The following ANKRD6 variants were observed in gnomAD, a reference collection of about 807,000 sequenced individuals.
ANKRD6 encodes ankyrin repeat domain-containing protein 6.
In ANKRD6, 56 loss-of-function variants were observed where a neutral mutation model predicts 82.3. That is an observed-to-expected ratio of 0.68 (90% CI 0.55 to 0.85). The LOEUF (loss-of-function observed/expected upper bound fraction) is 0.85. ANKRD6 is among the 40% of genes least tolerant of loss of function. ANKRD6 has a pLI of 0.00. For synonymous variants in ANKRD6, 347 were observed against 352.1 expected (o/e 0.99, Z 0.16); for missense variants, 852 against 907.6 (o/e 0.94, Z 0.79).
chr6:89,434,598 C>T (rs1770389247), intron 1 of ANKRD6, among the ~76,000 whole-genome samples: 1 of 152,138 alleles, frequency 6.6e-6, no homozygotes, highest in Non-Finnish European at 1.5e-5. Context: ...CCACACCTGG[C>T]TAATTTTGAA....
chr6:89,437,028 G>C lies in ANKRD6; in HGVS notation c.-144+3653G>C, dbSNP rs192542438. Among the ~76,000 whole-genome samples, 424 of 152,202 alleles carry C rather than the reference G, an allele frequency of 2.8e-3. 1 individual carries two copies. The highest frequency in any genetic ancestry group is 9.7e-3 in the African/African-American group (403 of 41,526). On this transcript the variant is annotated intron_variant, in intron 1 of 15. Coordinates refer to ENST00000339746, the MANE Select transcript of ANKRD6 (RefSeq NM_001242809.2). ...TTTTTAACCTGGGGTTCAGTGGTGG[G>C]CTACAAATACTCTAAGATCTCCCAA...
chr6:89,567,341 G>C (rs185509066), intron 2 of ANKRD6, among the ~76,000 whole-genome samples: 423 of 152,290 alleles, frequency 2.8e-3, no homozygotes, highest in African/African-American at 9.6e-3. Context: ...TATTTCTTTA[G>C]CTAAATGGAG....
At chr6:89,512,956 G>A (rs1320746649) in intron 1 of ANKRD6, among the ~76,000 whole-genome samples, 3 of 149,914 alleles carry the variant, frequency 2.0e-5, no homozygotes, top group Non-Finnish European at 4.4e-5. Flanking sequence ...ATAATGTCTT[G>A]CTCTGTTGCC....
At chr6:89,555,171 A>G (rs1036000175) in intron 1 of ANKRD6, among the ~76,000 whole-genome samples, 2 of 140,298 alleles carry the variant, frequency 1.4e-5, no homozygotes, top group Admixed American at 7.8e-5. Context: ...GCTTTATTCT[A>G]TCTCAACTCT....
In ANKRD6 at chr6:89,464,743, C is replaced by T. The variant is rs192319211; in HGVS notation, c.-144+31368C>T. Among the ~76,000 whole-genome samples, 57 of 152,280 alleles carry T rather than the reference C, an allele frequency of 3.7e-4. 1 individual carries two copies. The highest frequency in any genetic ancestry group is 1.2e-3 in the African/African-American group (49 of 41,570). On this transcript the variant is annotated intron_variant, in intron 1 of 15. Coordinates refer to ENST00000339746, the MANE Select transcript of ANKRD6 (RefSeq NM_001242809.2). ...TCCTAGAATGTGAGTTACATTTTTA[C>T]GTCTGCATAGAATTCTGAGGGGTTA...
intron 1 of ANKRD6, among the ~76,000 whole-genome samples, chr6:89,475,343 CCT>C: frequency 6.6e-6 from 1 of 152,152 alleles, no homozygotes; most frequent in East Asian, 1.9e-4. Context: ...TCATCACATC[CCT>C]GTTTTCAAAT....
chr6:89,512,258 C>T (rs1780641741), intron 1 of ANKRD6, among the ~76,000 whole-genome samples: 1 of 152,222 alleles, frequency 6.6e-6, no homozygotes, highest in African/African-American at 2.4e-5. Context: ...TTACTCCCAA[C>T]ATAAACTTAC....
At chr6:89,545,871 C>G (rs1785021137) in intron 1 of ANKRD6, among the ~76,000 whole-genome samples, 1 of 152,234 alleles carries the variant, frequency 6.6e-6, no homozygotes, top group African/African-American at 2.4e-5. Flanking sequence ...GTGGTGCAAT[C>G]TTGGCTCACT....
intron 12 of ANKRD6, 144 bp downstream of exon 12, chr6:89,624,201 A>G (rs1346920992): frequency 1.0e-6 from 1 of 963,302 alleles, no homozygotes; most frequent in Non-Finnish European, 1.5e-6. Context: ...TGGCCTCCCC[A>G]CCTGCACGGT....
intron 1 of ANKRD6, among the ~76,000 whole-genome samples, chr6:89,473,644 C>T (rs984592689): frequency 5.9e-5 from 9 of 152,102 alleles, no homozygotes; most frequent in South Asian, 2.1e-4. Context: ...TGTTTTCAGG[C>T]ACTGTTAGTC....
chr6:89,562,380 A>C (rs967200177), intron 1 of ANKRD6: 1 of 152,264 alleles, frequency 6.6e-6, no homozygotes, highest in Non-Finnish European at 1.5e-5. Context: ...CCCACAAAGC[A>C]AGCATTTTCC....
rs531749552 is a variant in ANKRD6, at chr6:89,459,713, A to C, written c.-144+26338A>C. Reference sequence around the variant, plus strand: ...AGATAGAGTCTTGCTGTGTTGCACAAGTTGGTCTTGGACTCCTGACCTGAA... The same window carrying C: ...AGATAGAGTCTTGCTGTGTTGCACACGTTGGTCTTGGACTCCTGACCTGAA... On this transcript the variant is annotated intron_variant, in intron 1 of 15. Coordinates refer to ENST00000339746, the MANE Select transcript of ANKRD6 (RefSeq NM_001242809.2). Among the ~76,000 whole-genome samples, 90 of 152,072 alleles carry C rather than the reference A, an allele frequency of 5.9e-4. 1 individual carries two copies. The highest frequency in any genetic ancestry group is 1.1e-3 in the Non-Finnish European group (77 of 68,008).
chr6:89,600,422 C>T (rs1291016378), intron 3 of ANKRD6, among the ~76,000 whole-genome samples: 1 of 152,134 alleles, frequency 6.6e-6, no homozygotes, highest in Non-Finnish European at 1.5e-5. Context: ...CCCATATGCT[C>T]AGGGCTTGTT....
rs546233567 is a variant in ANKRD6, at chr6:89,473,117, TA to T, written c.-144+39750del. Among the ~76,000 whole-genome samples, 249 of 152,114 alleles carry T rather than the reference TA, an allele frequency of 1.6e-3. 2 individuals carry two copies. Among genetic ancestry groups the T allele is most frequent in the African/African-American group, 5.8e-3 (240 of 41,512 alleles). ...TTTATTTAACAGCATATTGTTTCAT[TA>T]AAAAAAATTTGGCCAGGAGCAGTGG... On this transcript the variant is annotated intron_variant, in intron 1 of 15. Transcript: ENST00000339746.
chr6:89,487,558 G>A (rs1246779691), intron 1 of ANKRD6, among the ~76,000 whole-genome samples: 1 of 152,112 alleles, frequency 6.6e-6, no homozygotes, highest in African/African-American at 2.4e-5. Flanking sequence ...GTGTGCTGTG[G>A]GACCTCCCCA....
In ANKRD6 at chr6:89,547,498, G is replaced by T. The variant is rs181607368; in HGVS notation, c.-143-19336G>T. ...CCTCCGGGGGTGTCACCTGCCTCTG[G>T]GGGGCAGCCTGCCCTGCTCAGCTAA... On this transcript the variant is annotated intron_variant, in intron 1 of 15. Transcript: ENST00000339746. 1.4e-3 allele frequency among the ~76,000 whole-genome samples: 209 copies of T among 152,250 alleles called. 1 individual carries two copies. The highest frequency in any genetic ancestry group is 4.7e-3 in the African/African-American group (194 of 41,536).
At chr6:89,600,075 A>C (rs1796776154) in intron 3 of ANKRD6, among the ~76,000 whole-genome samples, 2 of 152,152 alleles carry the variant, frequency 1.3e-5, no homozygotes, top group South Asian at 4.1e-4. Context: ...CCGCAACCTC[A>C]CACAAGTCAT....
intron 1 of ANKRD6, among the ~76,000 whole-genome samples, chr6:89,548,989 T>C (rs1785462051): frequency 1.3e-5 from 2 of 152,306 alleles, no homozygotes; most frequent in Middle Eastern, 6.8e-3. Flanking sequence ...GGTGAACTGC[T>C]TGATCCTAGG....
At chr6:89,536,362 C>T (rs533283989) in intron 1 of ANKRD6, among the ~76,000 whole-genome samples, 11 of 152,318 alleles carry the variant, frequency 7.2e-5, no homozygotes, top group African/African-American at 2.4e-4. Context: ...GCTGCCTCTG[C>T]GCCTTTGTTT....
Sources: allele counts gnomAD v4.1 joint callset (sites outside exome capture counted in the v4.1 genomes callset), GRCh38; gene constraint gnomAD v4.1.1; transcripts MANE v1.5; gene names NCBI Gene and HGNC (gene_info 2026-07-23, HGNC 2026-07-21).